FHOD3: variants seen among roughly 807,000 people sequenced by gnomAD.
FHOD3 encodes FH1/FH2 domain-containing protein 3.
In FHOD3, 90 loss-of-function variants were observed where a neutral mutation model predicts 173.0. The ratio of observed to expected loss-of-function variants is 0.52; its 90% confidence interval spans 0.44 to 0.62. The LOEUF (loss-of-function observed/expected upper bound fraction) is 0.62, where lower values mean the gene tolerates loss of function less well. Ranked by LOEUF, FHOD3 falls within the 20% of genes least tolerant of loss-of-function variation. The pLI is 0.00. For missense variants in FHOD3, 1,945 were observed against 2,034.7 expected, an observed-to-expected ratio of 0.96 and a Z score of 0.85; for synonymous variants, 828 against 823.0, an observed-to-expected ratio of 1.01 and a Z score of -0.10.
At chr18:36,773,258 C>T (rs79302805) in intron 28 of FHOD3, among the ~76,000 whole-genome samples, 1 of 151,994 alleles carries the variant, frequency 6.6e-6, no homozygotes, top group East Asian at 1.9e-4. Context: ...GTCTGTAAGT[C>T]CCCCCCACAG....
chr18:36,695,894 C>T (rs1568622873), intron 17 of FHOD3, among the ~76,000 whole-genome samples: 1 of 152,186 alleles, frequency 6.6e-6, no homozygotes, highest in Non-Finnish European at 1.5e-5. Context: ...TTTTGCTTAT[C>T]CCTAGCATTT....
At chr18:36,322,877 CACTT>C (rs1356474943) in intron 1 of FHOD3, among the ~76,000 whole-genome samples, 3 of 152,204 alleles carry the variant, frequency 2.0e-5, no homozygotes, top group Non-Finnish European at 2.9e-5. Flanking sequence ...ATTCCACTGA[CACTT>C]ACTGCTGTCT....
At chr18:36,306,480 TC>T (rs1256459167) in intron 1 of FHOD3, among the ~76,000 whole-genome samples, 1 of 152,134 alleles carries the variant, frequency 6.6e-6, no homozygotes, top group East Asian at 1.9e-4. Flanking sequence ...CCAGATATGT[TC>T]CATTCAGTGA....
chr18:36,546,552 T>A (rs1280874255), intron 5 of FHOD3, among the ~76,000 whole-genome samples: 1 of 152,202 alleles, frequency 6.6e-6, no homozygotes. Flanking sequence ...AGTGAGCGAC[T>A]CTAGGAAGTT....
At chr18:36,335,891 C>G (rs1446070343) in intron 1 of FHOD3, among the ~76,000 whole-genome samples, 5 of 152,212 alleles carry the variant, frequency 3.3e-5, no homozygotes, top group African/African-American at 9.7e-5. Flanking sequence ...TCAGCCATTA[C>G]CTTCCATGAG....
At chr18:36,346,081 T>G (rs2145580882) in intron 1 of FHOD3, among the ~76,000 whole-genome samples, 1 of 152,306 alleles carries the variant, frequency 6.6e-6, no homozygotes, top group South Asian at 2.1e-4. Flanking sequence ...AAATCCCAAT[T>G]TTGGCTGGGC....
chr18:36,381,437 T>C (rs935094582), intron 3 of FHOD3, among the ~76,000 whole-genome samples: 2 of 152,226 alleles, frequency 1.3e-5, no homozygotes, highest in African/African-American at 4.8e-5. Flanking sequence ...TGGTTTTACG[T>C]TGGGAAGTCC....
At chr18:36,648,073 A>T (rs2035808961) in intron 10 of FHOD3, among the ~76,000 whole-genome samples, 1 of 152,260 alleles carries the variant, frequency 6.6e-6, no homozygotes, top group Non-Finnish European at 1.5e-5. Context: ...CTGGAGTGAG[A>T]CATGGTGGAT....
At chr18:36,581,512 A>G (rs528673238) in intron 6 of FHOD3, among the ~76,000 whole-genome samples, 4 of 152,230 alleles carry the variant, frequency 2.6e-5, no homozygotes, top group East Asian at 3.9e-4. Context: ...TGCTCTGTCT[A>G]AGTTCCCATC....
At chr18:36,389,861 C>T (rs1157557880) in intron 3 of FHOD3, among the ~76,000 whole-genome samples, 1 of 152,120 alleles carries the variant, frequency 6.6e-6, no homozygotes, top group Non-Finnish European at 1.5e-5. Context: ...CTCAGCCCTT[C>T]CTTTTTCAAT....
chr18:36,509,170 A>T (rs1258637281), intron 4 of FHOD3, among the ~76,000 whole-genome samples: 1 of 152,072 alleles, frequency 6.6e-6, no homozygotes, highest in Non-Finnish European at 1.5e-5. Flanking sequence ...AAAGAAAAAA[A>T]CTCTTTGAAT....
At chr18:36,385,644 C>T (rs1469831995) in intron 3 of FHOD3, among the ~76,000 whole-genome samples, 2 of 152,208 alleles carry the variant, frequency 1.3e-5, no homozygotes, top group Admixed American at 1.3e-4. Context: ...TCAGGTGATC[C>T]GCCTGCCTTG....
intron 14 of FHOD3, among the ~76,000 whole-genome samples, chr18:36,662,764 A>G (rs1322090550): frequency 3.9e-5 from 6 of 152,178 alleles, no homozygotes; most frequent in Non-Finnish European, 7.4e-5. Context: ...AGTGGTCAAT[A>G]TGTTATTATT....
chr18:36,362,655 A>G (rs1473839304), intron 2 of FHOD3, among the ~76,000 whole-genome samples: 1 of 152,142 alleles, frequency 6.6e-6, no homozygotes, highest in Non-Finnish European at 1.5e-5. Flanking sequence ...GGAGAGGACC[A>G]GTCCCTGGCT....
At chr18:36,446,431 T>G (rs2051480555) in intron 3 of FHOD3, among the ~76,000 whole-genome samples, 1 of 152,066 alleles carries the variant, frequency 6.6e-6, no homozygotes, top group Non-Finnish European at 1.5e-5. Context: ...TTTTTGCTTT[T>G]CCAGTGCGCT....
intron 10 of FHOD3, among the ~76,000 whole-genome samples, chr18:36,629,951 C>G (rs2148847959): frequency 6.6e-6 from 1 of 152,114 alleles, no homozygotes; most frequent in South Asian, 2.1e-4. Flanking sequence ...GGGTGGAGTC[C>G]AGGAATGCTG....
At chr18:36,724,130 C>A (rs2040929310) in intron 19 of FHOD3, among the ~76,000 whole-genome samples, 1 of 152,238 alleles carries the variant, frequency 6.6e-6, no homozygotes, top group Non-Finnish European at 1.5e-5. Flanking sequence ...TTTGTTCTAT[C>A]CGAAAGCCTG....
At chr18:36,605,981 G>A (rs986152439) in intron 8 of FHOD3, among the ~76,000 whole-genome samples, 1 of 152,096 alleles carries the variant, frequency 6.6e-6, no homozygotes, top group Non-Finnish European at 1.5e-5. Context: ...TGATTGCCTT[G>A]TAAAATAGGA....
At chr18:36,440,234 A>G (rs1160675617) in intron 3 of FHOD3, among the ~76,000 whole-genome samples, 1 of 152,220 alleles carries the variant, frequency 6.6e-6, no homozygotes, top group African/African-American at 2.4e-5. Context: ...CCAAAAAACA[A>G]GGGGAGCACT....
Sources: gnomAD v4.1 joint callset for allele counts (sites outside exome capture counted in the v4.1 genomes callset) on GRCh38, gnomAD v4.1.1 for gene constraint, MANE v1.5 for transcripts, NCBI Gene and HGNC (gene_info 2026-07-23, HGNC 2026-07-21) for gene names.